Variants in MYBL2 observed in about 807,000 individuals in gnomAD.
MYBL2 encodes myb-related protein B.
In MYBL2, 28 loss-of-function variants were observed where a neutral mutation model predicts 79.9. That is an observed-to-expected ratio of 0.35 (90% CI 0.26 to 0.48). MYBL2 has a LOEUF of 0.48. MYBL2 is among the 20% of genes least tolerant of loss of function. MYBL2 has a pLI of 0.99. For missense variants in MYBL2, 735 were observed against 893.9 expected (o/e 0.82, Z 2.27); for synonymous variants, 378 against 361.2 (o/e 1.05, Z -0.53).
chr20:43,697,348 G>A (rs1987568053), intron 6 of MYBL2, among the ~76,000 whole-genome samples: 1 of 152,050 alleles, frequency 6.6e-6, no homozygotes, highest in Non-Finnish European at 1.5e-5. Flanking sequence ...GGTGGCTCAT[G>A]CCTGTATTCC....
intron 6 of MYBL2, among the ~76,000 whole-genome samples, chr20:43,698,315 G>A (rs954325436): frequency 7.0e-6 from 1 of 143,718 alleles, no homozygotes; most frequent in African/African-American, 2.6e-5. Flanking sequence ...CTCCCAAAGT[G>A]TTGGGATTAC....
intron 8 of MYBL2, among the ~76,000 whole-genome samples, chr20:43,703,879 G>C (rs954132711): frequency 1.3e-5 from 2 of 152,146 alleles, no homozygotes; most frequent in African/African-American, 4.8e-5. Context: ...CTCTCTCCTT[G>C]GCTTGTAGAT....
In MYBL2 at chr20:43,671,053, C is replaced by G. The variant is rs1201364677; in HGVS notation, c.21-2753C>G. Among the ~76,000 whole-genome samples, 4 of 151,680 alleles carry G rather than the reference C, an allele frequency of 2.6e-5. No homozygotes were observed. The East Asian group carries it at 7.8e-4, about 29-fold the overall frequency. ...GCACGATCTTGACTCACTGCAACCTCTGCCTCCTGGGTTCAAGCAATTCTC... is the reference window on the plus strand; with the variant it reads ...GCACGATCTTGACTCACTGCAACCTGTGCCTCCTGGGTTCAAGCAATTCTC... On this transcript the variant is annotated intron_variant, in intron 1 of 13. Coordinates refer to ENST00000217026, the MANE Select transcript of MYBL2 (RefSeq NM_002466.4).
At chr20:43,678,321 A>T (rs1460899923) in intron 2 of MYBL2, among the ~76,000 whole-genome samples, 49 of 53,948 alleles carry the variant, frequency 9.1e-4, no homozygotes, top group Non-Finnish European at 1.7e-3. Flanking sequence ...TAAAGAAAGA[A>T]AGAAAGAAAG....
At chr20:43,701,870 A>T (rs1473207706) in intron 7 of MYBL2, among the ~76,000 whole-genome samples, 1 of 152,126 alleles carries the variant, frequency 6.6e-6, no homozygotes, top group Admixed American at 6.6e-5. Context: ...AAAATATTTT[A>T]AAAAATTAGC....
At chr20:43,667,951 C>T (rs1226138443) in intron 1 of MYBL2, among the ~76,000 whole-genome samples, 5 of 151,956 alleles carry the variant, frequency 3.3e-5, no homozygotes, top group Non-Finnish European at 1.5e-5. Context: ...GTTGAAGGTG[C>T]GGGGGAGAGA....
chr20:43,714,067 GAAA>G (rs969341568), intron 12 of MYBL2, among the ~76,000 whole-genome samples: 1 of 152,126 alleles, frequency 6.6e-6, no homozygotes, highest in African/African-American at 2.4e-5. Flanking sequence ...TTACTGCAAA[GAAA>G]AAAACATCAC....
At chr20:43,706,489 TG>T (rs1987785400) in intron 9 of MYBL2, among the ~76,000 whole-genome samples, 1 of 152,066 alleles carries the variant, frequency 6.6e-6, no homozygotes, top group Admixed American at 6.6e-5. Flanking sequence ...ATCGCTATTT[TG>T]TGATTCAGAA....
At chr20:43,685,163 A>G (rs1028600104) in intron 4 of MYBL2, among the ~76,000 whole-genome samples, 3 of 149,452 alleles carry the variant, frequency 2.0e-5, no homozygotes, top group South Asian at 2.1e-4. Context: ...AAAAAAAAAA[A>G]GAATGAAATA....
At chr20:43,672,000 G>A (rs1361041031) in intron 1 of MYBL2, among the ~76,000 whole-genome samples, 1 of 151,546 alleles carries the variant, frequency 6.6e-6, no homozygotes, top group African/African-American at 2.4e-5. Flanking sequence ...ACGAGGTCAG[G>A]AGTTCAAGAC....
At chr20:43,681,672 CA>C in intron 2 of MYBL2, 111 bp from the exon 3 acceptor site, 1 of 1,112,644 alleles carries the variant, frequency 9.0e-7, no homozygotes, top group Non-Finnish European at 1.4e-6. Flanking sequence ...GTATTCACTT[CA>C]TGACGGAATG....
chr20:43,710,422 G>A (rs137917612), intron 10 of MYBL2, among the ~76,000 whole-genome samples: 89 of 152,288 alleles, frequency 5.8e-4, no homozygotes, highest in African/African-American at 1.9e-3. Flanking sequence ...TTGCTACTCT[G>A]GCCTGTCTCT....
rs567880677 is a variant in MYBL2 at position 43,686,773 on chromosome 20, G to A, written c.280-79G>A. 245 of 1,418,572 alleles carry A rather than the reference G, an allele frequency of 1.7e-4. No homozygotes were observed. In the African/African-American group the frequency reaches 3.0e-3, roughly 18 times the overall value. The allele number at this position is 1,418,572 out of a possible 1,614,324, so 87.9% of individuals were successfully genotyped here. A position where few individuals can be genotyped will look rare whatever the true frequency, so the allele number is the denominator to read the frequency against. ...TGGCACCTCTCAGGGCCATGGCAAG[G>A]CTCAGGTGGATGTGAAGGGCTATGG... On this transcript the variant is annotated intron_variant, in intron 4 of 13. Transcript: ENST00000217026.
intron 8 of MYBL2, among the ~76,000 whole-genome samples, chr20:43,704,859 A>T (rs1478059261): frequency 6.6e-6 from 1 of 152,200 alleles, no homozygotes; most frequent in Non-Finnish European, 1.5e-5. Context: ...CAACTGTCAC[A>T]TGCCTTTTGC....
intron 7 of MYBL2, among the ~76,000 whole-genome samples, chr20:43,701,421 G>T (rs964845302): frequency 6.6e-6 from 1 of 152,174 alleles, no homozygotes; most frequent in Non-Finnish European, 1.5e-5. Flanking sequence ...TTAGTGTCTG[G>T]GTCCACTCAG....
In MYBL2 at chr20:43,705,329, C is replaced by T; in HGVS notation, c.1476C>T (p.Asp492=). ...TGGTCACCACACCACTGCACCGGGA[C>T]AAGACACCCCTGCACCAGAAACATG... ...KVVVTTPLHR[D]KTPLHQKHAA... The change falls in exon 9 of 14, where the codon GAC becomes GAT. Residue 492 remains aspartate (D), a synonymous_variant. Coordinates refer to ENST00000217026, the MANE Select transcript of MYBL2 (RefSeq NM_002466.4). 6.2e-7 allele frequency: 1 copy of T among 1,613,544 alleles called. No homozygotes were observed.
Position 43,678,925 on chromosome 20 carries a change from A to C in MYBL2, c.115-2859A>C, listed in dbSNP as rs541938296. On this transcript the variant is annotated intron_variant, in intron 2 of 13. Transcript: ENST00000217026. ...GGGGCTGAGAGACCAGTGCTGAGGG[A>C]GTGGGAGAGGGCGCTGTGCCAGGCA... Among the ~76,000 whole-genome samples the C allele has an allele frequency of 3.5e-5, 5 of 143,788 alleles. No individual in the cohort carries two copies. The East Asian group carries it at 1.1e-3, about 31-fold the overall frequency. The allele number at this position is 143,788 out of a possible 152,430, so 94.3% of individuals were successfully genotyped here. A position where few individuals can be genotyped will look rare whatever the true frequency, so the allele number is the denominator to read the frequency against.
chr20:43,694,497 T>G (rs1201394220), intron 6 of MYBL2, among the ~76,000 whole-genome samples: 1 of 152,170 alleles, frequency 6.6e-6, no homozygotes, highest in Non-Finnish European at 1.5e-5. Context: ...TTAAAAAATC[T>G]TTTTCCCTCT....
At chr20:43,702,346 A>G (rs1334814700) in intron 7 of MYBL2, 144 bp from the exon 8 acceptor site, 1 of 918,618 alleles carries the variant, frequency 1.1e-6, no homozygotes, top group Non-Finnish European at 1.7e-6. Flanking sequence ...TAGTCATAGA[A>G]AACTTTGAGG....
Sources: gnomAD v4.1 joint callset for allele counts (sites outside exome capture counted in the v4.1 genomes callset) on GRCh38, gnomAD v4.1.1 for gene constraint, MANE v1.5 for transcripts, NCBI Gene and HGNC (gene_info 2026-07-23, HGNC 2026-07-21) for gene names.